The following BANP variants were observed in gnomAD, a reference collection of about 807,000 sequenced individuals.
BANP encodes the protein BTG3 associated nuclear protein.
Under a neutral mutation model 68.1 loss-of-function variants are expected in BANP, and 11 were observed. That is an observed-to-expected ratio of 0.16 (90% CI 0.10 to 0.27). The LOEUF is 0.27. BANP is among the 10% of genes least tolerant of loss of function. BANP has a pLI of 1.00. For synonymous variants in BANP, 329 were observed against 303.2 expected (o/e 1.09, Z -0.88); for missense variants, 504 against 722.7 (o/e 0.70, Z 3.47).
At chr16:88,074,933 G>T (rs1332577176) in intron 13 of BANP, among the ~76,000 whole-genome samples, 1 of 152,234 alleles carries the variant, frequency 6.6e-6, no homozygotes, top group African/African-American at 2.4e-5. Context: ...ACCAGGTGCA[G>T]TGTTTCATGC....
intron 11 of BANP, among the ~76,000 whole-genome samples, chr16:88,047,318 C>T (rs535906402): frequency 1.3e-5 from 2 of 152,122 alleles, no homozygotes; most frequent in Non-Finnish European, 2.9e-5. Flanking sequence ...AGTTCCTTGG[C>T]GAAAACTGCC....
At chr16:87,992,913 C>T (rs1227819336) in intron 4 of BANP, among the ~76,000 whole-genome samples, 1 of 152,208 alleles carries the variant, frequency 6.6e-6, no homozygotes, top group African/African-American at 2.4e-5. Flanking sequence ...TCATGGTACC[C>T]ACTGTATGTT....
intron 11 of BANP, among the ~76,000 whole-genome samples, chr16:88,049,594 C>A (rs1375870535): frequency 2.0e-5 from 3 of 152,172 alleles, no homozygotes; most frequent in Admixed American, 6.5e-5. Flanking sequence ...GGGTGAGAGC[C>A]CGCCCCTGAG....
intron 4 of BANP, among the ~76,000 whole-genome samples, chr16:87,985,947 G>C (rs1410859354): frequency 6.6e-6 from 1 of 152,224 alleles, no homozygotes; most frequent in African/African-American, 2.4e-5. Context: ...GTTGAATAGA[G>C]TAAGATTCTG....
chr16:88,005,999 A>T (rs2070963510), intron 5 of BANP, 91 bp from the exon 6 acceptor site: 1 of 1,494,648 alleles, frequency 6.7e-7, no homozygotes, highest in East Asian at 2.3e-5. Context: ...GTCCACACAG[A>T]GTTAGATTTT....
At chr16:88,026,487 A>G (rs2077011210) in intron 7 of BANP, among the ~76,000 whole-genome samples, 1 of 152,246 alleles carries the variant, frequency 6.6e-6, no homozygotes, top group Non-Finnish European at 1.5e-5. Context: ...GGTGGACACA[A>G]CAAAGGCCCC....
intron 13 of BANP, among the ~76,000 whole-genome samples, chr16:88,075,920 A>T (rs991194615): frequency 2.2e-4 from 20 of 89,292 alleles, no homozygotes; most frequent in African/African-American, 7.0e-4. Flanking sequence ...TAATTTTTGT[A>T]TTTATTGTAG....
chr16:87,988,781 GC>G (rs1333445878), intron 4 of BANP, among the ~76,000 whole-genome samples: 2 of 152,276 alleles, frequency 1.3e-5, no homozygotes. Flanking sequence ...GCGAGAAGCT[GC>G]CCCCTGCGGT....
intron 1 of BANP, among the ~76,000 whole-genome samples, chr16:87,958,998 G>A (rs2058618396): frequency 6.6e-6 from 1 of 152,236 alleles, no homozygotes. Flanking sequence ...AGCAACCTCA[G>A]CATGATGTTG....
At position 88,057,119 on chromosome 16, in the gene BANP, C is replaced by T. The variant is rs916544991; in HGVS notation, c.1312-8148C>T. 4.6e-5 allele frequency among the ~76,000 whole-genome samples: 7 copies of T among 152,124 alleles called. No homozygotes were observed. The highest frequency in any genetic ancestry group is 1.7e-4 in the African/African-American group (7 of 41,416). On this transcript the variant is annotated intron_variant, in intron 11 of 13. Transcript: ENST00000682872. The surrounding 1 kb of genome is among the most constrained non-coding windows in gnomAD (Gnocchi z 4.6). ...TGGTGATTCTTTGGGTGTTCTGAGA[C>T]TTTTCTGTTGCCGTTGTTGAGCTGT...
intron 6 of BANP, among the ~76,000 whole-genome samples, chr16:88,012,870 A>G (rs2073529711): frequency 2.0e-5 from 3 of 152,252 alleles, no homozygotes; most frequent in Admixed American, 1.3e-4. Context: ...TAAATTAATA[A>G]CTATTCACTG....
intron 4 of BANP, among the ~76,000 whole-genome samples, chr16:87,998,739 C>T (rs1461771044): frequency 6.1e-5 from 9 of 147,192 alleles, no homozygotes; most frequent in African/African-American, 2.0e-4. Flanking sequence ...CGCGGCTGTA[C>T]TTGCCTGTCT....
intron 6 of BANP, chr16:88,017,250 G>A (rs1001081169): frequency 3.3e-5 from 5 of 152,278 alleles, no homozygotes; most frequent in Admixed American, 6.5e-5. Context: ...GGCAGAGCGT[G>A]GCGTCCCTCA....
At position 88,054,338 on chromosome 16, in the gene BANP, TCAC is replaced by T. The variant is rs780237553; in HGVS notation, c.1312-10923_1312-10921del. On this transcript the variant is annotated intron_variant, in intron 11 of 13. Transcript: ENST00000682872. ...ACCTTCACCACTGTCATCTCCATCA[TCAC>T]CACCAACACAGCCACCCTAACAACC... Among the ~76,000 whole-genome samples the T allele has an allele frequency of 5.4e-5, 7 of 130,690 alleles. 1 individual carries two copies. Among genetic ancestry groups the T allele is most frequent in the Admixed American group, 1.5e-4 (2 of 13,328 alleles). The allele number at this position is 130,690 out of a possible 152,430, so 85.7% of individuals were successfully genotyped here.
chr16:88,044,432 G>A (rs562215977), intron 11 of BANP, among the ~76,000 whole-genome samples: 1 of 152,348 alleles, frequency 6.6e-6, no homozygotes, highest in East Asian at 1.9e-4. Context: ...CCACAGAACG[G>A]TATTACTGCG....
At chr16:88,001,812 T>G (rs2069439054) in intron 4 of BANP, among the ~76,000 whole-genome samples, 1 of 152,304 alleles carries the variant, frequency 6.6e-6, no homozygotes, top group South Asian at 2.1e-4. Flanking sequence ...CTCACAAAAT[T>G]TTATCCTGTT....
chr16:87,997,008 C>G (rs1325046402), intron 4 of BANP, among the ~76,000 whole-genome samples: 1 of 152,138 alleles, frequency 6.6e-6, no homozygotes, highest in East Asian at 1.9e-4. Flanking sequence ...GCCAGTTGCC[C>G]AGAGCACAGG....
chr16:88,028,357 G>C (rs142799223), intron 8 of BANP, among the ~76,000 whole-genome samples: 1 of 152,194 alleles, frequency 6.6e-6, no homozygotes, highest in Non-Finnish European at 1.5e-5. Context: ...CTTTGTTGGC[G>C]GGAACCCTTT....
At chr16:88,022,879 G>A (rs2076282582) in intron 7 of BANP, among the ~76,000 whole-genome samples, 1 of 152,158 alleles carries the variant, frequency 6.6e-6, no homozygotes, top group African/African-American at 2.4e-5. Context: ...TCCCTCTCCT[G>A]CAGGATGACC....
Sources: gnomAD v4.1 joint callset for allele counts (sites outside exome capture counted in the v4.1 genomes callset) on GRCh38, gnomAD v4.1.1 for gene constraint, Gnocchi (gnomAD v3.1) non-coding constraint, MANE v1.5 for transcripts, NCBI Gene and HGNC (gene_info 2026-07-23, HGNC 2026-07-21) for gene names.